Variants in MNAT1 observed in about 807,000 individuals in gnomAD.
MNAT1 encodes the protein CDK-activating kinase assembly factor MAT1.
MNAT1 carries 43 observed loss-of-function variants against 42.0 expected under a neutral mutation model. That is an observed-to-expected ratio of 1.02 (90% CI 0.80 to 1.32). The LOEUF (loss-of-function observed/expected upper bound fraction) is 1.32. Among genes scored for constraint, MNAT1 ranks in the 40% most tolerant of loss-of-function variants. The probability of loss-of-function intolerance (pLI) is 0.00; values close to 1 mark genes in which losing one functional copy is unlikely to be tolerated. For missense variants in MNAT1, 306 were observed against 350.4 expected, an observed-to-expected ratio of 0.87 and a Z score of 1.01; for synonymous variants, 118 against 120.0, an observed-to-expected ratio of 0.98 and a Z score of 0.11.
intron 3 of MNAT1, among the ~76,000 whole-genome samples, chr14:60,801,054 A>G (rs979041324): frequency 7.2e-5 from 11 of 152,322 alleles, no homozygotes; most frequent in African/African-American, 1.9e-4. Context: ...AGATAAAGCA[A>G]TTAACCTAGC....
intron 6 of MNAT1, among the ~76,000 whole-genome samples, chr14:60,865,624 G>A (rs1486280835): frequency 2.6e-5 from 4 of 151,994 alleles, no homozygotes; most frequent in South Asian, 4.1e-4. Flanking sequence ...AATAAGACAA[G>A]CATCAGAGAA....
intron 6 of MNAT1, among the ~76,000 whole-genome samples, chr14:60,877,451 T>C (rs944898627): frequency 6.6e-6 from 1 of 152,088 alleles, no homozygotes; most frequent in African/African-American, 2.4e-5. Flanking sequence ...TTTATGACTT[T>C]TAAGTCATGA....
At chr14:60,892,815 A>G (rs761177391) in intron 7 of MNAT1, among the ~76,000 whole-genome samples, 11 of 152,082 alleles carry the variant, frequency 7.2e-5, no homozygotes, top group Non-Finnish European at 2.9e-5. Context: ...AGCACTCTGA[A>G]TTTATACAAG....
At chr14:60,755,789 C>CTT (rs1308867772) in intron 1 of MNAT1, among the ~76,000 whole-genome samples, 2 of 152,142 alleles carry the variant, frequency 1.3e-5, no homozygotes, top group Non-Finnish European at 1.5e-5. Flanking sequence ...AAAGACTTAC[C>CTT]TTTAAACACT....
intron 1 of MNAT1, among the ~76,000 whole-genome samples, chr14:60,759,474 G>A (rs1027559537): frequency 1.3e-5 from 2 of 152,112 alleles, no homozygotes; most frequent in African/African-American, 4.8e-5. Flanking sequence ...TAAAAATTTG[G>A]ATCTCTCAGT....
intron 7 of MNAT1, among the ~76,000 whole-genome samples, chr14:60,900,348 C>T (rs961828799): frequency 1.3e-5 from 2 of 152,160 alleles, no homozygotes; most frequent in African/African-American, 4.8e-5. Flanking sequence ...CTCCAATGAA[C>T]ACATGAATGT....
At chr14:60,887,213 CTTG>C (rs2034697021) in intron 7 of MNAT1, among the ~76,000 whole-genome samples, 1 of 141,156 alleles carries the variant, frequency 7.1e-6, no homozygotes, top group African/African-American at 2.6e-5. Flanking sequence ...GTTTTTTTTT[CTTG>C]TTTTTGTTTG....
chr14:60,955,832 A>G (rs1275742658), intron 7 of MNAT1, among the ~76,000 whole-genome samples: 3 of 151,860 alleles, frequency 2.0e-5, no homozygotes, highest in Non-Finnish European at 4.4e-5. Flanking sequence ...TTTTTTTCAT[A>G]CCTATGTGGC....
At chr14:60,865,013 G>C (rs1487077430) in intron 6 of MNAT1, among the ~76,000 whole-genome samples, 1 of 151,982 alleles carries the variant, frequency 6.6e-6, no homozygotes, top group East Asian at 1.9e-4. Flanking sequence ...TTTTTTTGGA[G>C]ATAGGGTAGA....
chr14:60,939,877 G>T (rs1349307339), intron 7 of MNAT1, among the ~76,000 whole-genome samples: 1 of 152,130 alleles, frequency 6.6e-6, no homozygotes, highest in Non-Finnish European at 1.5e-5. Flanking sequence ...AAGTCTCTTT[G>T]TAGGTCTCTA....
rs190107746 is a variant in MNAT1 at position 60,773,808 on chromosome 14, T to C, written c.90-22409T>C. ...TATGCTGATGCCCATGTGCTGTCCTTTGCTGTTGAAGGAACAGTAATGCTT... is the reference window on the plus strand; with the variant it reads ...TATGCTGATGCCCATGTGCTGTCCTCTGCTGTTGAAGGAACAGTAATGCTT... On this transcript the variant is annotated intron_variant, in intron 1 of 7. Coordinates refer to ENST00000261245, the MANE Select transcript of MNAT1 (RefSeq NM_002431.4). Among the ~76,000 whole-genome samples, 104 of 152,346 alleles carry C rather than the reference T, an allele frequency of 6.8e-4. No individual in the cohort carries two copies. The East Asian group carries it at 8.9e-3, about 13-fold the overall frequency.
At chr14:60,852,888 G>A (rs541210366) in intron 6 of MNAT1, among the ~76,000 whole-genome samples, 28 of 152,084 alleles carry the variant, frequency 1.8e-4, no homozygotes, top group Admixed American at 5.9e-4. Flanking sequence ...GGTCTCTGTT[G>A]TGTTCCATTG....
chr14:60,945,153 T>C (rs1367789910), intron 7 of MNAT1, among the ~76,000 whole-genome samples: 1 of 152,328 alleles, frequency 6.6e-6, no homozygotes, highest in Non-Finnish European at 1.5e-5. Context: ...TACTTTCTTG[T>C]TCAAGGTATA....
rs2036654085 is a variant in MNAT1, at chr14:60,964,836, A to C, written c.810-3393A>C. 2.6e-5 allele frequency among the ~76,000 whole-genome samples: 4 copies of C among 152,254 alleles called. No homozygotes were observed. The South Asian group carries it at 8.3e-4, about 31-fold the overall frequency. On this transcript the variant is annotated intron_variant, in intron 7 of 7. Coordinates refer to ENST00000261245, the MANE Select transcript of MNAT1 (RefSeq NM_002431.4). ...GATGTGGATTAAGGTAGAAAAGTAC[A>C]GAAAACACTAAATTTTCATTGTGCT...
chr14:60,746,024 G>A (rs1183668162), intron 1 of MNAT1, among the ~76,000 whole-genome samples: 2 of 152,112 alleles, frequency 1.3e-5, no homozygotes, highest in African/African-American at 4.8e-5. Context: ...AGTTGGTGTT[G>A]TATGTATCTT....
intron 7 of MNAT1, among the ~76,000 whole-genome samples, chr14:60,893,929 G>A (rs1437180417): frequency 6.6e-6 from 1 of 152,110 alleles, no homozygotes; most frequent in Non-Finnish European, 1.5e-5. Context: ...TGAGGATCAG[G>A]ATGGTGCTTT....
intron 1 of MNAT1, among the ~76,000 whole-genome samples, chr14:60,745,607 G>A (rs1896589115): frequency 6.6e-6 from 1 of 152,052 alleles, no homozygotes; most frequent in South Asian, 2.1e-4. Context: ...AATAGAGATG[G>A]GGTTTGGCCA....
At chr14:60,792,326 A>C (rs1179703883) in intron 1 of MNAT1, among the ~76,000 whole-genome samples, 1 of 152,168 alleles carries the variant, frequency 6.6e-6, no homozygotes, top group Non-Finnish European at 1.5e-5. Flanking sequence ...ATGTTCAAAG[A>C]TATGGCACTT....
chr14:60,751,505 T>C (rs1261202254), intron 1 of MNAT1, among the ~76,000 whole-genome samples: 1 of 152,072 alleles, frequency 6.6e-6, no homozygotes, highest in Non-Finnish European at 1.5e-5. Context: ...ACATAGTATT[T>C]GGTTTTTGAG....
Sources: gnomAD v4.1 joint callset for allele counts (sites outside exome capture counted in the v4.1 genomes callset) on GRCh38, gnomAD v4.1.1 for gene constraint, MANE v1.5 for transcripts, NCBI Gene and HGNC (gene_info 2026-07-23, HGNC 2026-07-21) for gene names.